PTPRK: variants seen among roughly 807,000 people sequenced by gnomAD.
PTPRK encodes the protein protein tyrosine phosphatase receptor type K, also known as receptor-type tyrosine-protein phosphatase kappa.
Under a neutral mutation model 178.0 loss-of-function variants are expected in PTPRK, and 75 were observed. The ratio of observed to expected loss-of-function variants is 0.42; its 90% CI spans 0.35 to 0.51. The LOEUF (loss-of-function observed/expected upper bound fraction) is 0.51. Ranked by LOEUF, PTPRK falls within the 20% of genes least tolerant of loss-of-function variation. PTPRK has a pLI of 0.02. For missense variants in PTPRK, 1,441 were observed against 1,797.8 expected (o/e 0.80, Z 3.59); for synonymous variants, 637 against 620.6 (o/e 1.03, Z -0.39).
chr6:128,126,629 T>C (rs1793422256), intron 7 of PTPRK, among the ~76,000 whole-genome samples: 1 of 151,990 alleles, frequency 6.6e-6, no homozygotes, highest in African/African-American at 2.4e-5. Flanking sequence ...TGGAACCATA[T>C]GTGTGCAGCT....
Position 128,082,619 on chromosome 6 carries a change from C to G in PTPRK, c.1595G>C (p.Arg532Thr). Residue 532 changes from arginine (R) to threonine (T), a missense_variant, in exon 10 of 30, where the codon AGA (arginine) becomes ACA (threonine). This residue lies in a region of PTPRK where 945 missense variants were observed against 1,080.6 expected (regional missense o/e 0.87). Transcript: ENST00000368226. Reference sequence around the variant, plus strand: ...CACTGGAACTGCAGGATCAAATGATCTTATACTGCTATAGCTGATCTGTTT... The same window carrying G: ...CACTGGAACTGCAGGATCAAATGATGTTATACTGCTATAGCTGATCTGTTT... ...TQYEISYSSIRSFDPAVPVAG... is the reference protein window; with the variant it reads ...TQYEISYSSITSFDPAVPVAG... The G allele has an allele frequency of 6.2e-7, 1 of 1,609,190 alleles. No homozygotes were observed. Among genetic ancestry groups the G allele is most frequent in the Non-Finnish European group, 8.5e-7 (1 of 1,176,152 alleles).
chr6:128,174,433 C>T (rs529381417), intron 7 of PTPRK, among the ~76,000 whole-genome samples: 306 of 151,824 alleles, frequency 2.0e-3, no homozygotes, highest in Non-Finnish European at 2.9e-3. Context: ...GTGTTTCCAA[C>T]ATACAGATAA....
intron 7 of PTPRK, among the ~76,000 whole-genome samples, chr6:128,115,394 A>G (rs1043851464): frequency 8.9e-5 from 13 of 145,414 alleles, no homozygotes. Context: ...TTTCCCACAC[A>G]TGTCTCCTTG....
At chr6:128,003,179 A>G (rs1037984240) in intron 15 of PTPRK, 19 of 1,594,324 alleles carry the variant, frequency 1.2e-5, no homozygotes, top group Non-Finnish European at 1.6e-5. Context: ...AAAAGATGAT[A>G]AAGATTTAGG....
chr6:128,197,137 T>C (rs1804994212), intron 6 of PTPRK, among the ~76,000 whole-genome samples: 1 of 152,006 alleles, frequency 6.6e-6, no homozygotes, highest in African/African-American at 2.4e-5. Context: ...TATCAATTCC[T>C]GCTCCAGCGC....
rs780613795 is a variant in PTPRK at position 128,219,112 on chromosome 6, A to C, written c.694-16T>G. The C allele has an allele frequency of 8.2e-6, 13 of 1,592,960 alleles. No individual in the cohort carries two copies. In the South Asian group the frequency reaches 1.2e-4, roughly 15 times the overall value. ...CATTTCGTCTCTGCAAACAGAAACC[A>C]ATCTTTAAAAACAGGTTCTTACTAT... On this transcript the variant is annotated splice_polypyrimidine_tract_variant and intron_variant, in intron 5 of 29. Coordinates refer to ENST00000368226, the MANE Select transcript of PTPRK (RefSeq NM_002844.4).
intron 2 of PTPRK, among the ~76,000 whole-genome samples, chr6:128,352,296 CAG>C (rs1399130963): frequency 1.4e-5 from 2 of 147,054 alleles, no homozygotes; most frequent in African/African-American, 5.0e-5. Context: ...GTAAAAATCA[CAG>C]AAACCCTAAA....
intron 13 of PTPRK, among the ~76,000 whole-genome samples, chr6:128,018,165 G>A (rs911172429): frequency 1.3e-5 from 2 of 151,908 alleles, no homozygotes; most frequent in Non-Finnish European, 2.9e-5. Context: ...TCTCATTCAT[G>A]TCTTTATGGC....
At chr6:128,285,437 C>T (rs1325004405) in intron 3 of PTPRK, among the ~76,000 whole-genome samples, 1 of 151,804 alleles carries the variant, frequency 6.6e-6, no homozygotes, top group African/African-American at 2.4e-5. Flanking sequence ...ATCGCTTGAA[C>T]CTGGGAGGTT....
chr6:128,150,891 C>T (rs1797151589), intron 7 of PTPRK, among the ~76,000 whole-genome samples: 1 of 151,906 alleles, frequency 6.6e-6, no homozygotes, highest in Admixed American at 6.6e-5. Flanking sequence ...AAAGATTAGT[C>T]AAAGTATGTA....
At chr6:128,254,021 C>A (rs1005560862) in intron 3 of PTPRK, among the ~76,000 whole-genome samples, 2 of 152,086 alleles carry the variant, frequency 1.3e-5, no homozygotes, top group Non-Finnish European at 2.9e-5. Context: ...TTTGTTTAAA[C>A]CTCTTGTAAA....
chr6:128,335,745 C>T (rs903258690), intron 2 of PTPRK, among the ~76,000 whole-genome samples: 2 of 151,652 alleles, frequency 1.3e-5, no homozygotes, highest in Non-Finnish European at 2.9e-5. Flanking sequence ...GTCACAAGAT[C>T]GTCAACTATA....
At chr6:127,981,373 C>G in intron 24 of PTPRK, 84 bp from the exon 25 acceptor site, 1 of 1,235,076 alleles carries the variant, frequency 8.1e-7, no homozygotes, top group Non-Finnish European at 1.1e-6. Flanking sequence ...TTTAGAAGGC[C>G]AAGTAGAAAG....
At position 127,970,019 on chromosome 6, in the gene PTPRK, T is replaced by G; in HGVS notation, c.*208A>C. The G allele has an allele frequency of 2.2e-6, 1 of 458,798 alleles. No homozygotes were observed. Among genetic ancestry groups the G allele is most frequent in the South Asian group, 4.2e-5 (1 of 23,940 alleles). The allele number at this position is 458,798 out of a possible 1,614,324, so 28.4% of individuals were successfully genotyped here. ...ATATAATTTATGTGGCATGAAATGTTGATGCTTTAATATAGTAATAAAAAC... is the reference window on the plus strand; with the variant it reads ...ATATAATTTATGTGGCATGAAATGTGGATGCTTTAATATAGTAATAAAAAC... On this transcript the variant is annotated 3_prime_UTR_variant, in exon 30 of 30. Coordinates refer to ENST00000368226, the MANE Select transcript of PTPRK (RefSeq NM_002844.4).
intron 2 of PTPRK, among the ~76,000 whole-genome samples, chr6:128,333,004 T>C (rs1183589899): frequency 2.6e-5 from 4 of 152,202 alleles, no homozygotes; most frequent in Non-Finnish European, 5.9e-5. Context: ...TTATGTTACA[T>C]AGTAGTGAAA....
intron 13 of PTPRK, among the ~76,000 whole-genome samples, chr6:128,049,831 T>C (rs1485388047): frequency 6.6e-6 from 1 of 152,140 alleles, no homozygotes; most frequent in African/African-American, 2.4e-5. Context: ...TTAGGGCACT[T>C]TATAAATTAC....
intron 1 of PTPRK, among the ~76,000 whole-genome samples, chr6:128,405,477 T>C (rs1841542053): frequency 6.6e-6 from 1 of 152,208 alleles, no homozygotes; most frequent in Non-Finnish European, 1.5e-5. Context: ...CTTTTTCACT[T>C]AGTGTTAGAT....
chr6:128,388,431 T>C (rs894709363), intron 2 of PTPRK, among the ~76,000 whole-genome samples: 1 of 152,192 alleles, frequency 6.6e-6, no homozygotes, highest in African/African-American at 2.4e-5. Flanking sequence ...TCTGGACCTT[T>C]TGTTATGCGA....
At chr6:128,292,863 T>A (rs7771803) in intron 3 of PTPRK, among the ~76,000 whole-genome samples, 8,010 of 152,056 alleles carry the variant, frequency 0.053, 710 homozygotes, top group African/African-American at 0.18. Context: ...CTGTGGGTAA[T>A]TTATATTTTT....
Sources: gnomAD v4.1 joint callset for allele counts (sites outside exome capture counted in the v4.1 genomes callset) on GRCh38, gnomAD v4.1.1 for gene constraint, gnomAD v4.1.1 regional missense constraint, MANE v1.5 for transcripts, NCBI Gene and HGNC (gene_info 2026-07-23, HGNC 2026-07-21) for gene names.